The following SVIL variants were observed in gnomAD, a reference collection of about 807,000 sequenced individuals.
The protein encoded by SVIL is supervillin.
Under a neutral mutation model 240.4 loss-of-function variants are expected in SVIL, and 101 were observed. That is an observed-to-expected ratio of 0.42 (90% CI 0.36 to 0.50). The LOEUF (loss-of-function observed/expected upper bound fraction) is 0.50. Ranked by LOEUF, SVIL falls within the 20% of genes least tolerant of loss-of-function variation. The pLI is 0.01. For missense variants in SVIL, 2,512 were observed against 2,818.7 expected, an observed-to-expected ratio of 0.89 and a Z score of 2.46; for synonymous variants, 999 against 1,100.0, an observed-to-expected ratio of 0.91 and a Z score of 1.82.
intron 17 of SVIL, among the ~76,000 whole-genome samples, chr10:29,509,320 GGAGGGGGAGGGA>G (rs1209432022): frequency 1.6e-3 from 136 of 86,918 alleles, no homozygotes; most frequent in South Asian, 3.0e-3. Context: ...AAAGGGAGAA[GGAGGGGGAGGGA>G]GAGAGAGAGA....
rs1023723132 is a variant in SVIL, at chr10:29,538,777, G to A, written c.828-2708C>T. Among the ~76,000 whole-genome samples the A allele has an allele frequency of 2.6e-5, 4 of 152,308 alleles. No individual in the cohort carries two copies. The East Asian group carries it at 7.7e-4, about 29-fold the overall frequency. ...AATGTTTCCTTTGTTTTTCTGACTT[G>A]CAATATTTTCAACTTATGATGGATT... On this transcript the variant is annotated intron_variant, in intron 6 of 37. Transcript: ENST00000355867.
chr10:29,685,152 A>C (rs1401177866), intron 2 of SVIL, among the ~76,000 whole-genome samples: 1 of 152,162 alleles, frequency 6.6e-6, no homozygotes, highest in African/African-American at 2.4e-5. Context: ...GCTTCCACTT[A>C]TGCATGAGTA....
At chr10:29,657,027 A>G (rs1959027543) in intron 3 of SVIL, among the ~76,000 whole-genome samples, 2 of 152,236 alleles carry the variant, frequency 1.3e-5, no homozygotes, top group South Asian at 4.1e-4. Flanking sequence ...ACACATAAGG[A>G]AATTGAAAGA....
chr10:29,529,175 CAAAAAAAAAAAA>C (rs66523560), intron 12 of SVIL, among the ~76,000 whole-genome samples: 7 of 66,066 alleles, frequency 1.1e-4, no homozygotes, highest in Non-Finnish European at 1.4e-4. Context: ...GACTCTCTCT[CAAAAAAAAAAAA>C]AAAAAAAAAA....
chr10:29,553,300 C>T (rs781325920), intron 5 of SVIL, among the ~76,000 whole-genome samples: 8 of 152,120 alleles, frequency 5.3e-5, no homozygotes, highest in East Asian at 1.9e-4. Flanking sequence ...GCAGCATGGC[C>T]GGGCACAGTG....
chr10:29,688,462 C>T (rs541215509), intron 1 of SVIL, among the ~76,000 whole-genome samples: 3 of 152,370 alleles, frequency 2.0e-5, no homozygotes, highest in Non-Finnish European at 4.4e-5. Context: ...TTATTTAACA[C>T]CAGGCTCCCT....
chr10:29,602,744 G>A (rs2505902), intron 1 of SVIL, among the ~76,000 whole-genome samples: 30,134 of 152,010 alleles, frequency 0.2, 3,098 homozygotes, highest in Middle Eastern at 0.26. Flanking sequence ...CCAGCACTTC[G>A]GGGGGCCGAG....
rs114326414 is a variant in SVIL, at chr10:29,646,460, C to T, written c.-201+11509G>A. ...GTTCACAAAGACACGGCTTACTGGC[C>T]CGTATGGTAAGCTAATTGATGTGGT... On this transcript the variant is annotated intron_variant, in intron 3 of 35. Coordinates refer to the SVIL transcript ENST00000375400. 4.9e-3 allele frequency among the ~76,000 whole-genome samples: 742 copies of T among 152,276 alleles called. 6 individuals are homozygous for T. Among genetic ancestry groups the T allele is most frequent in the African/African-American group, 0.016 (680 of 41,538 alleles).
chr10:29,534,674 C>T (rs549903962), intron 7 of SVIL, among the ~76,000 whole-genome samples: 1 of 152,346 alleles, frequency 6.6e-6, no homozygotes, highest in Admixed American at 6.5e-5. Flanking sequence ...GAGACCTCTG[C>T]TCAGATCCTG....
chr10:29,528,130 C>T (rs1200562937), intron 12 of SVIL, among the ~76,000 whole-genome samples: 3 of 152,174 alleles, frequency 2.0e-5, no homozygotes, highest in Non-Finnish European at 4.4e-5. Flanking sequence ...CTTATATTTA[C>T]TGTTTTGCTC....
chr10:29,651,548 G>A (rs1298023318), intron 3 of SVIL, among the ~76,000 whole-genome samples: 1 of 149,478 alleles, frequency 6.7e-6, no homozygotes, highest in Non-Finnish European at 1.5e-5. Context: ...TTCCTCCCTG[G>A]CTGGCCATTC....
chr10:29,544,754 T>C (rs1589188803), intron 6 of SVIL, among the ~76,000 whole-genome samples: 1 of 70,316 alleles, frequency 1.4e-5, no homozygotes, highest in East Asian at 4.5e-4. Flanking sequence ...AGACCTTTTC[T>C]AAAAAAAAAA....
At chr10:29,629,685 T>C (rs1295493328) in intron 1 of SVIL, among the ~76,000 whole-genome samples, 1 of 131,592 alleles carries the variant, frequency 7.6e-6, no homozygotes, top group Non-Finnish European at 1.8e-5. Context: ...GGGGCTACTG[T>C]AAAAATTAGA....
chr10:29,695,908 C>G (rs1461661675), intron 1 of SVIL, among the ~76,000 whole-genome samples: 10 of 71,318 alleles, frequency 1.4e-4, no homozygotes, highest in Non-Finnish European at 2.1e-4. Flanking sequence ...TCCCGTCTCC[C>G]TCTCCCTCTC....
In SVIL at chr10:29,484,955, C is replaced by T; in HGVS notation, c.4780-124G>A. 9.7e-7 allele frequency: 1 copy of T among 1,029,422 alleles called. No homozygotes were observed. Among genetic ancestry groups the T allele is most frequent in the Non-Finnish European group, 1.4e-6 (1 of 729,676 alleles). The allele number at this position is 1,029,422 out of a possible 1,614,324, so 63.8% of individuals were successfully genotyped here. A position where few individuals can be genotyped will look rare whatever the true frequency, so the allele number is the denominator to read the frequency against. ...GAAGACAGAAATCCTAACGGGGCGA[C>T]CAACACAGACACAAAAAGGCCAGGA... On this transcript the variant is annotated intron_variant, in intron 26 of 37. Coordinates refer to ENST00000355867, the MANE Select transcript of SVIL (RefSeq NM_021738.3). This position sits in a 1 kb window ranked among gnomAD's most constrained non-coding sequence, Gnocchi z 4.7.
At chr10:29,647,626 T>G (rs74131921) in intron 3 of SVIL, among the ~76,000 whole-genome samples, 21 of 113,234 alleles carry the variant, frequency 1.9e-4, no homozygotes, top group African/African-American at 5.4e-4. Flanking sequence ...CAAATATAGG[T>G]GTGTGTGTGT....
intron 1 of SVIL, among the ~76,000 whole-genome samples, chr10:29,592,808 T>G (rs1347932319): frequency 2.0e-5 from 3 of 152,214 alleles, no homozygotes; most frequent in Non-Finnish European, 4.4e-5. Flanking sequence ...AAATCATTCA[T>G]CTAAATATTT....
chr10:29,668,779 T>C (rs1034067060), intron 2 of SVIL, among the ~76,000 whole-genome samples: 1 of 152,194 alleles, frequency 6.6e-6, no homozygotes. Context: ...CAGCCAAATC[T>C]AAGATAAATC....
intron 17 of SVIL, among the ~76,000 whole-genome samples, chr10:29,509,799 G>C (rs551208977): frequency 2.6e-5 from 4 of 152,246 alleles, no homozygotes; most frequent in African/African-American, 9.6e-5. Flanking sequence ...GCGGTGAGCC[G>C]AGATTGTGCC....
Sources: gnomAD v4.1 joint callset for allele counts (sites outside exome capture counted in the v4.1 genomes callset) on GRCh38, gnomAD v4.1.1 for gene constraint, Gnocchi (gnomAD v3.1) non-coding constraint, MANE v1.5 for transcripts, NCBI Gene and HGNC (gene_info 2026-07-23, HGNC 2026-07-21) for gene names.